Variants in STIM2 observed in about 807,000 individuals in gnomAD.
The protein encoded by STIM2 is stromal interaction molecule 2.
In STIM2, 31 loss-of-function variants were observed where a neutral mutation model predicts 85.8. That is an observed-to-expected ratio of 0.36 (90% CI 0.27 to 0.49). The LOEUF (loss-of-function observed/expected upper bound fraction) is 0.49. Among genes scored for constraint, STIM2 ranks in the 20% least tolerant of loss-of-function variants. STIM2 has a pLI of 0.98. For synonymous variants in STIM2, 356 were observed against 331.1 expected, an observed-to-expected ratio of 1.08 and a Z score of -0.82; for missense variants, 841 against 927.6, an observed-to-expected ratio of 0.91 and a Z score of 1.21.
At chr4:27,010,411 T>C (rs889220622) in intron 10 of STIM2, among the ~76,000 whole-genome samples, 3 of 152,118 alleles carry the variant, frequency 2.0e-5, no homozygotes, top group African/African-American at 4.8e-5. Context: ...GCCACTGCAC[T>C]CCAGCCTGAG....
rs760105438 is a variant in STIM2, at chr4:26,995,440, A to G, written c.459A>G (p.Gln153=). 21 of 1,603,382 alleles carry G rather than the reference A, an allele frequency of 1.3e-5. No homozygotes were observed. Among genetic ancestry groups the G allele is most frequent in the Non-Finnish European group, 1.4e-5 (16 of 1,175,130 alleles). The change falls in exon 4 of 12, where the codon CAA becomes CAG. Residue 153 remains glutamine, a synonymous_variant. Coordinates refer to ENST00000467087, the MANE Select transcript of STIM2 (RefSeq NM_020860.4). ...TGATAGAGTTTGTTGAACTACCCCA[A>G]TATGAGAAGAATTTTAGAGACAACA...
chr4:26,940,196 G>A (rs1299270624), intron 2 of STIM2, among the ~76,000 whole-genome samples: 1 of 152,142 alleles, frequency 6.6e-6, no homozygotes, highest in Non-Finnish European at 1.5e-5. Context: ...GTTGAGGATA[G>A]GATTGAAAAG....
rs147455413 is a variant in STIM2, at chr4:27,007,556, C to T, written c.1005C>T (p.Ala335=). 87 of 1,562,078 alleles carry T rather than the reference C, an allele frequency of 5.6e-5. No individual in the cohort carries two copies. In the African/African-American group the frequency reaches 7.2e-4, roughly 13 times the overall value. The change falls in exon 8 of 12, where the codon GCC becomes GCT. Residue 335 remains alanine (A), a synonymous_variant. Coordinates refer to ENST00000467087, the MANE Select transcript of STIM2 (RefSeq NM_020860.4). ...AGGTTCGCATGGCTCTGAAAAAGGC[C>T]GAAAAAGAATTTGAACTGAGAAGCA...
In STIM2 at chr4:26,909,335, T is replaced by C. The variant is rs181455345; in HGVS notation, c.152-10169T>C. 3.3e-5 allele frequency among the ~76,000 whole-genome samples: 5 copies of C among 152,358 alleles called. No individual in the cohort carries two copies. In the East Asian group the frequency reaches 9.6e-4, roughly 29 times the overall value. On this transcript the variant is annotated intron_variant, in intron 1 of 11. Transcript: ENST00000467087. Reference sequence around the variant, plus strand: ...TAACAATAACCTTGCAAGGGTGCTATTATTTCCATTCTACAGGTGAGGAAA... The same window carrying C: ...TAACAATAACCTTGCAAGGGTGCTACTATTTCCATTCTACAGGTGAGGAAA...
intron 3 of STIM2, among the ~76,000 whole-genome samples, chr4:26,970,227 ATATATATATATATATATATG>A (rs200029044): frequency 0.4 from 38,141 of 95,082 alleles, 6,312 homozygotes; most frequent in Non-Finnish European, 0.48. Context: ...ATATATGTAT[ATATATATATATATATATATG>A]TATGTATTTT....
chr4:26,997,627 A>G (rs985109539), intron 4 of STIM2, among the ~76,000 whole-genome samples: 2 of 152,226 alleles, frequency 1.3e-5, no homozygotes, highest in African/African-American at 4.8e-5. Flanking sequence ...ATAGTTTGCT[A>G]TTAATTCATG....
At chr4:27,018,996 T>G (rs779384706) in intron 11 of STIM2, among the ~76,000 whole-genome samples, 2 of 152,198 alleles carry the variant, frequency 1.3e-5, no homozygotes, top group Non-Finnish European at 2.9e-5. Context: ...AGCAGCGTAT[T>G]TCAGTCCAAC....
At chr4:26,973,826 T>C (rs1170414195) in intron 3 of STIM2, among the ~76,000 whole-genome samples, 1 of 152,206 alleles carries the variant, frequency 6.6e-6, no homozygotes, top group East Asian at 1.9e-4. Flanking sequence ...CTGTCTGATA[T>C]TGACAGTGGG....
Position 26,957,736 on chromosome 4 carries a change from C to A in STIM2, c.397+10C>A, listed in dbSNP as rs755674074. The A allele has an allele frequency of 1.9e-5, 29 of 1,542,428 alleles. No individual in the cohort carries two copies. The highest frequency in any genetic ancestry group is 2.5e-5 in the Non-Finnish European group (28 of 1,125,374). On this transcript the variant is annotated intron_variant, in intron 3 of 11. Transcript: ENST00000467087. ...TGGAAAACATCAGAAGGTAAGACTG[C>A]CTTTGTGATCTGGCCCCCTCCCCTT...
chr4:26,978,399 A>G (rs10939146), intron 3 of STIM2, among the ~76,000 whole-genome samples: 24,025 of 151,380 alleles, frequency 0.16, 2,048 homozygotes, highest in Middle Eastern at 0.31. Flanking sequence ...TTTAAAAACT[A>G]TCCCTATTTA....
Position 26,882,774 on chromosome 4 carries a change from T to C in STIM2, c.151+21405T>C, listed in dbSNP as rs115250333. Reference sequence around the variant, plus strand: ...TACCTGGCCCATTAGTCTCTTCTTATGGCTTCAACTACTATATGTAAATCC... The same window carrying C: ...TACCTGGCCCATTAGTCTCTTCTTACGGCTTCAACTACTATATGTAAATCC... On this transcript the variant is annotated intron_variant, in intron 1 of 11. Coordinates refer to ENST00000467087, the MANE Select transcript of STIM2 (RefSeq NM_020860.4). 7.9e-3 allele frequency among the ~76,000 whole-genome samples: 1,206 copies of C among 152,082 alleles called. 17 individuals carry two copies. The highest frequency in any genetic ancestry group is 0.027 in the African/African-American group (1,124 of 41,506).
chr4:26,993,685 G>T (rs997294320), intron 3 of STIM2, among the ~76,000 whole-genome samples: 2 of 152,070 alleles, frequency 1.3e-5, no homozygotes, highest in Admixed American at 6.6e-5. Flanking sequence ...CTATTCATTT[G>T]TAAGCACACT....
intron 1 of STIM2, among the ~76,000 whole-genome samples, chr4:26,903,342 G>T (rs1336456964): frequency 6.6e-6 from 1 of 152,176 alleles, no homozygotes; most frequent in Non-Finnish European, 1.5e-5. Context: ...AATGCTTGGA[G>T]TTGTAACCAG....
rs1346775509 is a variant in STIM2, at chr4:27,023,543, CT to C, written c.*551del. On this transcript the variant is annotated 3_prime_UTR_variant, in exon 12 of 12. Transcript: ENST00000467087. ...GACTATGGATAGGGGACTGTTTTCA[CT>C]TTTAGATCAAAATGGGTTTTTAAGT... The C allele has an allele frequency of 6.6e-6, 1 of 152,402 alleles. No homozygotes were observed. The highest frequency in any genetic ancestry group is 2.4e-5 in the African/African-American group (1 of 41,394). 9.4% of individuals were successfully genotyped at this position (152,402 alleles called of 1,614,324 possible). A position where few individuals can be genotyped will look rare whatever the true frequency, so the allele number is the denominator to read the frequency against.
intron 1 of STIM2, among the ~76,000 whole-genome samples, chr4:26,863,505 T>C (rs1402612142): frequency 6.6e-6 from 1 of 152,144 alleles, no homozygotes; most frequent in East Asian, 1.9e-4. Flanking sequence ...TTGAACTATA[T>C]GGCCTCTATA....
intron 1 of STIM2, among the ~76,000 whole-genome samples, chr4:26,873,194 G>A (rs993376091): frequency 6.6e-6 from 1 of 152,154 alleles, no homozygotes; most frequent in African/African-American, 2.4e-5. Context: ...GAGGTCAGGA[G>A]TTGAAGCCCA....
intron 1 of STIM2, among the ~76,000 whole-genome samples, chr4:26,907,254 C>T (rs550541199): frequency 6.6e-6 from 1 of 152,132 alleles, no homozygotes; most frequent in Admixed American, 6.5e-5. Context: ...TTGAAGTAAA[C>T]ACTTAGAACT....
intron 1 of STIM2, among the ~76,000 whole-genome samples, chr4:26,893,553 C>T (rs1293118244): frequency 6.6e-6 from 1 of 152,092 alleles, no homozygotes; most frequent in Non-Finnish European, 1.5e-5. Context: ...ATCCACTTTT[C>T]TTATGAAGCT....
chr4:26,889,165 A>T (rs186061359), intron 1 of STIM2, among the ~76,000 whole-genome samples: 12 of 152,368 alleles, frequency 7.9e-5, no homozygotes, highest in South Asian at 2.1e-4. Context: ...TCTGGGATCC[A>T]TGAATCCTGG....
Sources: allele counts gnomAD v4.1 joint callset (sites outside exome capture counted in the v4.1 genomes callset), GRCh38; gene constraint gnomAD v4.1.1; transcripts MANE v1.5; gene names NCBI Gene and HGNC (gene_info 2026-07-23, HGNC 2026-07-21).